The following GRM3 variants were observed in gnomAD, a reference collection of about 807,000 sequenced individuals.
GRM3 encodes the protein glutamate metabotropic receptor 3.
A neutral mutation model predicts 70.5 loss-of-function variants in GRM3; 26 were observed. That is an observed-to-expected ratio of 0.37 (90% CI 0.27 to 0.51). GRM3 has a LOEUF of 0.51. Ranked by LOEUF, GRM3 falls within the 20% of genes least tolerant of loss-of-function variation. The pLI is 0.93. For missense variants in GRM3, 859 were observed against 1,123.8 expected, an observed-to-expected ratio of 0.76 and a Z score of 3.37; for synonymous variants, 443 against 434.9, an observed-to-expected ratio of 1.02 and a Z score of -0.23.
At chr7:86,782,603 G>A (rs1475350022) in intron 2 of GRM3, among the ~76,000 whole-genome samples, 5 of 152,130 alleles carry the variant, frequency 3.3e-5, no homozygotes, top group Admixed American at 6.5e-5. Flanking sequence ...GCGCTTTAGC[G>A]TCCCTTATTT....
At chr7:86,704,021 T>C (rs183461736) in intron 1 of GRM3, among the ~76,000 whole-genome samples, 38 of 152,086 alleles carry the variant, frequency 2.5e-4, no homozygotes, top group African/African-American at 8.4e-4. Flanking sequence ...CTCTTTCTGT[T>C]GGTCTTAAAT....
chr7:86,840,922 C>A (rs570595117), intron 4 of GRM3, among the ~76,000 whole-genome samples: 3 of 152,078 alleles, frequency 2.0e-5, no homozygotes, highest in South Asian at 4.2e-4. Flanking sequence ...AGAGTAGATA[C>A]AAAATTTCAG....
chr7:86,648,428 T>C (rs993066670), intron 1 of GRM3, among the ~76,000 whole-genome samples: 2 of 152,174 alleles, frequency 1.3e-5, no homozygotes, highest in Non-Finnish European at 2.9e-5. Flanking sequence ...CAGAAGCTGT[T>C]GTCATGTAAA....
chr7:86,796,037 C>T (rs1797541249), intron 3 of GRM3, among the ~76,000 whole-genome samples: 1 of 152,182 alleles, frequency 6.6e-6, no homozygotes, highest in Non-Finnish European at 1.5e-5. Context: ...TGAGAAGTCT[C>T]TTTTGCTGTG....
At chr7:86,700,120 C>T (rs1794916437) in intron 1 of GRM3, among the ~76,000 whole-genome samples, 1 of 151,936 alleles carries the variant, frequency 6.6e-6, no homozygotes, top group Non-Finnish European at 1.5e-5. Flanking sequence ...ATTAACCAAG[C>T]TCATGAAACT....
chr7:86,732,635 C>G (rs1795761074), intron 1 of GRM3, among the ~76,000 whole-genome samples: 1 of 152,138 alleles, frequency 6.6e-6, no homozygotes, highest in Non-Finnish European at 1.5e-5. Flanking sequence ...GTCCTATAGA[C>G]TAGATATTAA....
At chr7:86,660,339 G>A (rs1793861611) in intron 1 of GRM3, among the ~76,000 whole-genome samples, 1 of 151,954 alleles carries the variant, frequency 6.6e-6, no homozygotes, top group African/African-American at 2.4e-5. Flanking sequence ...AGCTCTAATA[G>A]ACTGGGAATT....
At chr7:86,664,880 A>G (rs1044754823) in intron 1 of GRM3, among the ~76,000 whole-genome samples, 1 of 152,050 alleles carries the variant, frequency 6.6e-6, no homozygotes, top group African/African-American at 2.4e-5. Context: ...GGGTAGTGAC[A>G]GCCTTAAACT....
intron 1 of GRM3, among the ~76,000 whole-genome samples, chr7:86,667,102 G>A (rs1794047593): frequency 6.6e-6 from 1 of 152,002 alleles, no homozygotes; most frequent in African/African-American, 2.4e-5. Flanking sequence ...AAAGACTTGT[G>A]GATCTTCTCT....
chr7:86,846,320 GC>G (rs1172670328), intron 4 of GRM3, among the ~76,000 whole-genome samples: 3 of 152,100 alleles, frequency 2.0e-5, no homozygotes, highest in African/African-American at 7.2e-5. Context: ...TCCTTCAAGG[GC>G]CCAGCTGTTG....
intron 1 of GRM3, among the ~76,000 whole-genome samples, chr7:86,731,847 C>A (rs1795741911): frequency 6.6e-6 from 1 of 152,118 alleles, no homozygotes; most frequent in African/African-American, 2.4e-5. Context: ...AGAATCTGAA[C>A]CCACATCTTA....
At position 86,787,372 on chromosome 7, in the gene GRM3, C is replaced by T. The variant is rs532617744; in HGVS notation, c.1324+256C>T. 1.2e-4 allele frequency among the ~76,000 whole-genome samples: 19 copies of T among 152,268 alleles called. No individual in the cohort carries two copies. The East Asian group carries it at 3.7e-3, about 29-fold the overall frequency. ...GGGCTGACAGCCCACTGTGGTAGCT[C>T]CCTAGATTAGGGCCAGGCTAGATTT... is the stretch of plus-strand genomic sequence containing the variant. On this transcript the variant is annotated intron_variant, in intron 3 of 5. Coordinates refer to ENST00000361669, the MANE Select transcript of GRM3 (RefSeq NM_000840.3).
At chr7:86,844,899 T>A (rs1051426640) in intron 4 of GRM3, among the ~76,000 whole-genome samples, 6 of 152,088 alleles carry the variant, frequency 3.9e-5, no homozygotes, top group Admixed American at 6.6e-5. Context: ...GATTTCTTTT[T>A]TTTTTCTTAG....
chr7:86,818,718 C>G (rs533284839), intron 3 of GRM3, among the ~76,000 whole-genome samples: 1 of 152,132 alleles, frequency 6.6e-6, no homozygotes, highest in East Asian at 1.9e-4. Context: ...AATAAAAGTG[C>G]ATATATACCA....
intron 1 of GRM3, among the ~76,000 whole-genome samples, chr7:86,679,476 G>T (rs913324782): frequency 2.6e-5 from 4 of 152,002 alleles, no homozygotes; most frequent in Non-Finnish European, 5.9e-5. Flanking sequence ...ATCACACTGA[G>T]TTATTCAGAG....
At chr7:86,853,960 T>C (rs1798800526) in intron 5 of GRM3, among the ~76,000 whole-genome samples, 1 of 152,120 alleles carries the variant, frequency 6.6e-6, no homozygotes, top group African/African-American at 2.4e-5. Flanking sequence ...TGTTGGCTCC[T>C]AATGAGCAAG....
intron 2 of GRM3, among the ~76,000 whole-genome samples, chr7:86,781,675 TTTAGATCATCTTCACAG>T (rs1797066396): frequency 6.6e-6 from 1 of 152,122 alleles, no homozygotes; most frequent in Non-Finnish European, 1.5e-5. Context: ...AAACAAAAGG[TTTAGATCATCTTCACAG>T]TTTCTTCTAT....
chr7:86,689,933 A>G (rs1236599623), intron 1 of GRM3, among the ~76,000 whole-genome samples: 1 of 152,174 alleles, frequency 6.6e-6, no homozygotes, highest in Non-Finnish European at 1.5e-5. Flanking sequence ...TGCCTTGCAA[A>G]TACATCACCC....
intron 3 of GRM3, among the ~76,000 whole-genome samples, chr7:86,825,763 C>T (rs1306452439): frequency 1.3e-5 from 2 of 152,174 alleles, no homozygotes; most frequent in Non-Finnish European, 2.9e-5. Flanking sequence ...CATGGGAAAG[C>T]TCGTTTTATT....
Sources: gnomAD v4.1 joint callset for allele counts (sites outside exome capture counted in the v4.1 genomes callset) on GRCh38, gnomAD v4.1.1 for gene constraint, MANE v1.5 for transcripts, NCBI Gene and HGNC (gene_info 2026-07-23, HGNC 2026-07-21) for gene names.